Variants in FMNL2 observed in about 807,000 individuals in gnomAD.
The protein encoded by FMNL2 is formin-like protein 2.
FMNL2 carries 51 observed loss-of-function variants against 130.2 expected under a neutral mutation model. That is an observed-to-expected ratio of 0.39 (90% CI 0.31 to 0.49). FMNL2 has a LOEUF of 0.49. Ranked by LOEUF, FMNL2 falls within the 20% of genes least tolerant of loss-of-function variation. The pLI, the probability that FMNL2 is intolerant of heterozygous loss-of-function variation, is 0.85. For missense variants in FMNL2, 977 were observed against 1,316.2 expected (o/e 0.74, Z 3.99); for synonymous variants, 465 against 467.1 (o/e 1.00, Z 0.06).
intron 17 of FMNL2, among the ~76,000 whole-genome samples, 187 bp from the exon 18 acceptor site, chr2:152,628,112 T>A (rs1187948137): frequency 3.3e-5 from 5 of 152,206 alleles, no homozygotes; most frequent in Non-Finnish European, 7.3e-5. Flanking sequence ...ACCTGAGGCA[T>A]AGTCAAGAAC....
intron 24 of FMNL2, 62 bp downstream of exon 24, chr2:152,640,118 C>A: frequency 7.1e-7 from 1 of 1,405,676 alleles, no homozygotes; most frequent in Non-Finnish European, 9.5e-7. Flanking sequence ...CTCTTCAGAG[C>A]AAGCCATACA....
At chr2:152,414,148 T>G (rs1686471766) in intron 1 of FMNL2, among the ~76,000 whole-genome samples, 1 of 152,210 alleles carries the variant, frequency 6.6e-6, no homozygotes, top group Admixed American at 6.5e-5. Flanking sequence ...GCACAGATTT[T>G]CAGTCCATTT....
chr2:152,357,063 A>G (rs6757877), intron 1 of FMNL2, among the ~76,000 whole-genome samples: 53,563 of 118,720 alleles, frequency 0.45, 17,268 homozygotes, highest in Non-Finnish European at 0.68. Flanking sequence ...TAAATATTAC[A>G]TAAGTTTAAT....
Position 152,628,531 on chromosome 2 carries a change from C to T in FMNL2, c.2398C>T (p.Pro800Ser), listed in dbSNP as rs981394926. ...TGCTGAAAGCATTCAGATGCTGACT[C>T]CTGTGAGTGGACTGACTCTGGCAGG... ...NFAESIQMLT[P>S]QLHAIIAASV... is the part of the protein sequence containing the mutation. The change falls in exon 18 of 26, where the codon CCT becomes TCT. Residue 800 changes from proline to serine, a missense_variant and splice_region_variant. Physicochemically the swap from Pro to Ser is moderately conservative, Grantham distance 74. This residue lies in a region of FMNL2 where 689 missense variants were observed against 995.9 expected (regional missense o/e 0.69). Transcript: ENST00000288670. 4.3e-6 allele frequency: 7 copies of T among 1,612,752 alleles called. No homozygotes were observed. In the African/African-American group the frequency reaches 5.3e-5, roughly 12 times the overall value.
At chr2:152,602,814 G>C (rs1195882817) in intron 9 of FMNL2, among the ~76,000 whole-genome samples, 1 of 152,084 alleles carries the variant, frequency 6.6e-6, no homozygotes, top group African/African-American at 2.4e-5. Context: ...GCCAATGCAT[G>C]GATTCTGAAA....
intron 21 of FMNL2, 143 bp downstream of exon 21, chr2:152,632,280 G>A (rs773065611): frequency 2.7e-5 from 30 of 1,131,038 alleles, no homozygotes; most frequent in Non-Finnish European, 3.3e-5. Flanking sequence ...GGAACACATC[G>A]GCCGTGGTGT....
chr2:152,418,049 T>C (rs1166883631), intron 1 of FMNL2, among the ~76,000 whole-genome samples: 3 of 152,110 alleles, frequency 2.0e-5, no homozygotes, highest in Non-Finnish European at 4.4e-5. Context: ...TTTCACCATG[T>C]TGCCCAGGGT....
intron 1 of FMNL2, among the ~76,000 whole-genome samples, chr2:152,457,346 TGTG>T (rs1689012694): frequency 6.6e-6 from 1 of 152,214 alleles, no homozygotes. Context: ...TTCCCATCAT[TGTG>T]GTGATATGGA....
At chr2:152,524,957 C>T (rs1016309335) in intron 2 of FMNL2, among the ~76,000 whole-genome samples, 1 of 152,210 alleles carries the variant, frequency 6.6e-6, no homozygotes, top group Middle Eastern at 3.4e-3. Context: ...CATGCTTGTC[C>T]AAGAAAGCTT....
chr2:152,646,165 A>AC (rs776656386), intron 25 of FMNL2, among the ~76,000 whole-genome samples: 1,664 of 147,016 alleles, frequency 0.011, 21 homozygotes, highest in South Asian at 0.025. Context: ...TACAAAAAAA[A>AC]AAAAACAAAC....
At chr2:152,607,434 A>G (rs779716382) in intron 10 of FMNL2, 21 bp downstream of exon 10, 10 of 1,583,772 alleles carry the variant, frequency 6.3e-6, no homozygotes, top group South Asian at 2.2e-5. Flanking sequence ...TCAGTATTCA[A>G]TAAAGCAAAC....
chr2:152,384,692 G>A (rs16831028), intron 1 of FMNL2, among the ~76,000 whole-genome samples: 27,647 of 152,040 alleles, frequency 0.18, 2,619 homozygotes, highest in East Asian at 0.22. Flanking sequence ...TTCATCCTGG[G>A]GCATCTTGGG....
intron 1 of FMNL2, among the ~76,000 whole-genome samples, chr2:152,354,988 T>G (rs1168975734): frequency 1.3e-5 from 2 of 152,222 alleles, no homozygotes; most frequent in Non-Finnish European, 2.9e-5. Context: ...TATTGTAGCC[T>G]TTAGTCAGCT....
chr2:152,462,698 A>G (rs962633654), intron 1 of FMNL2, among the ~76,000 whole-genome samples: 2 of 152,206 alleles, frequency 1.3e-5, no homozygotes, highest in African/African-American at 4.8e-5. Context: ...TACCCTGTGC[A>G]TTAGATGGGG....
intron 1 of FMNL2, among the ~76,000 whole-genome samples, chr2:152,512,570 A>G (rs903851127): frequency 2.0e-5 from 3 of 152,190 alleles, no homozygotes; most frequent in Non-Finnish European, 2.9e-5. Context: ...TAAATACCAT[A>G]AACATAAATA....
chr2:152,613,673 A>C (rs1252791562), intron 11 of FMNL2, among the ~76,000 whole-genome samples: 2 of 152,236 alleles, frequency 1.3e-5, no homozygotes, highest in African/African-American at 4.8e-5. Flanking sequence ...GGAACCTAAT[A>C]GAGGTGGTTA....
At chr2:152,640,683 T>C in intron 24 of FMNL2, 108 bp from the exon 25 acceptor site, 1 of 1,365,748 alleles carries the variant, frequency 7.3e-7, no homozygotes, top group Admixed American at 2.7e-5. Context: ...TGTGTGTGTT[T>C]TTGGCCGAAG....
intron 2 of FMNL2, among the ~76,000 whole-genome samples, chr2:152,539,868 T>C (rs1378135372): frequency 6.6e-6 from 1 of 152,162 alleles, no homozygotes; most frequent in African/African-American, 2.4e-5. Flanking sequence ...AATTTTATTA[T>C]TGTAAAAATA....
intron 1 of FMNL2, among the ~76,000 whole-genome samples, chr2:152,405,671 T>A (rs184657176): frequency 6.6e-6 from 1 of 152,322 alleles, no homozygotes; most frequent in Admixed American, 6.5e-5. Flanking sequence ...CTCCTCTTTA[T>A]GGTTTTAGAA....
Sources: allele counts gnomAD v4.1 joint callset (sites outside exome capture counted in the v4.1 genomes callset), GRCh38; gene constraint gnomAD v4.1.1; regional missense constraint gnomAD v4.1.1; transcripts MANE v1.5; gene names NCBI Gene and HGNC (gene_info 2026-07-23, HGNC 2026-07-21).